Variants in DNAH7 observed in about 807,000 individuals in gnomAD.
The protein encoded by DNAH7 is axonemal beta dynein heavy chain 7.
DNAH7 carries 397 observed loss-of-function variants against 444.6 expected under a neutral mutation model. The observed-to-expected ratio is 0.89, with a 90% CI of 0.82 to 0.97. The LOEUF (loss-of-function observed/expected upper bound fraction) is 0.97, where lower values mean the gene tolerates loss of function less well. DNAH7 is among the 50% of genes least tolerant of loss of function. The pLI, the probability that DNAH7 is intolerant of heterozygous loss-of-function variation, is 0.00. For missense variants in DNAH7, 4,902 were observed against 4,800.8 expected (o/e 1.02, Z -0.62); for synonymous variants, 1,636 against 1,624.4 (o/e 1.01, Z -0.17).
At chr2:196,006,564 A>G (rs1215377777) in intron 10 of DNAH7, among the ~76,000 whole-genome samples, 4 of 93,742 alleles carry the variant, frequency 4.3e-5, no homozygotes, top group Non-Finnish European at 7.0e-5. Context: ...TAAGGAAAGG[A>G]AAAAAAAAAA....
intron 55 of DNAH7, 109 bp from the exon 56 acceptor site, chr2:195,796,846 T>G (rs1463933834): frequency 3.2e-6 from 4 of 1,249,744 alleles, no homozygotes; most frequent in Non-Finnish European, 4.3e-6. Context: ...TTGGGTCACA[T>G]GTCTCAAAAA....
chr2:195,847,228 T>A (rs1007209536), intron 46 of DNAH7, among the ~76,000 whole-genome samples: 1 of 151,304 alleles, frequency 6.6e-6, no homozygotes, highest in Non-Finnish European at 1.5e-5. Context: ...CACATGTGTA[T>A]GTTCATCGCA....
intron 24 of DNAH7, among the ~76,000 whole-genome samples, chr2:195,918,710 C>T (rs1463485721): frequency 1.3e-5 from 2 of 151,960 alleles, no homozygotes; most frequent in Non-Finnish European, 2.9e-5. Flanking sequence ...ATATACATGA[C>T]AAAAATGGTC....
intron 30 of DNAH7, chr2:195,893,092 T>TGCCACCAC (rs1364129898): frequency 3.4e-5 from 5 of 149,142 alleles, no homozygotes; most frequent in African/African-American, 1.2e-4. Context: ...ACATGGCACA[T>TGCCACCAC]GCCACCACGC....
chr2:196,044,225 G>GTGTA (rs1696957171), intron 5 of DNAH7, among the ~76,000 whole-genome samples: 1 of 150,270 alleles, frequency 6.7e-6, no homozygotes, highest in African/African-American at 2.5e-5. Context: ...GTGTGTGTGT[G>GTGTA]TATACATACA....
intron 6 of DNAH7, 133 bp downstream of exon 6, chr2:196,027,827 T>C (rs1695784930): frequency 5.7e-6 from 4 of 698,092 alleles, no homozygotes; most frequent in Middle Eastern, 3.1e-4. Context: ...TGCCTTTTTA[T>C]AGAACTCTGT....
intron 54 of DNAH7, among the ~76,000 whole-genome samples, chr2:195,801,965 G>A (rs1696482563): frequency 6.6e-6 from 1 of 152,148 alleles, no homozygotes; most frequent in Non-Finnish European, 1.5e-5. Context: ...ATTTATAAAT[G>A]CCTGATAGCA....
Position 195,816,795 on chromosome 2 carries a change from G to A in DNAH7, c.9594C>T (p.Thr3198=), listed in dbSNP as rs1438916012. The A allele has an allele frequency of 8.7e-6, 14 of 1,613,898 alleles. No homozygotes were observed. Among genetic ancestry groups the A allele is most frequent in the Non-Finnish European group, 1.2e-5 (14 of 1,179,934 alleles). ...CAATAGGACGATAGCCCATGCGGGT[G>A]GTGTCAATCTTTTTCTCTGTCTCTT... ...VAEETEKKID[T]TRMGYRPIAI... The change falls in exon 51 of 65, where the codon ACC becomes ACT. Residue 3198 remains threonine, a synonymous_variant. Transcript: ENST00000312428.
chr2:196,022,971 G>A (rs1213022719), intron 8 of DNAH7, among the ~76,000 whole-genome samples: 3 of 152,104 alleles, frequency 2.0e-5, no homozygotes, highest in African/African-American at 7.2e-5. Context: ...TGAGGTTTGG[G>A]GAACAGTTGA....
At chr2:196,050,990 C>A (rs1026046588) in intron 3 of DNAH7, among the ~76,000 whole-genome samples, 197 bp downstream of exon 3, 2 of 152,158 alleles carry the variant, frequency 1.3e-5, no homozygotes, top group African/African-American at 4.8e-5. Context: ...CTGAAATATT[C>A]TACATATACA....
At chr2:195,986,104 T>C (rs1310163190) in intron 14 of DNAH7, among the ~76,000 whole-genome samples, 5 of 152,178 alleles carry the variant, frequency 3.3e-5, no homozygotes, top group Non-Finnish European at 7.4e-5. Flanking sequence ...CACATGTCAG[T>C]TCCTCTTTGC....
At chr2:196,050,648 A>T (rs1329207567) in intron 3 of DNAH7, among the ~76,000 whole-genome samples, 1 of 152,200 alleles carries the variant, frequency 6.6e-6, no homozygotes, top group African/African-American at 2.4e-5. Flanking sequence ...TTAAAATCTA[A>T]CTTGTACAGG....
intron 55 of DNAH7, 117 bp downstream of exon 55, chr2:195,799,178 AT>A (rs1188255324): frequency 1.1e-5 from 10 of 885,970 alleles, no homozygotes; most frequent in Admixed American, 6.8e-5. Flanking sequence ...TCAACTTGTG[AT>A]AACTTTCAAA....
In DNAH7 at chr2:195,960,781, T is replaced by G; in HGVS notation, c.2370A>C (p.Lys790Asn). ...CTGCTTCTACTTGGTCTGGATTCAC[T>G]TTATGATATGGCCCTTCTGTCCATG... ...YRAWTEGPYH[K>N]VNPDQVEADI... The change falls in exon 18 of 65, where the codon AAA becomes AAC. Residue 790 changes from lysine (K) to asparagine (N), a missense_variant. By Grantham distance (94) the Lys-to-Asn change is moderately conservative. Transcript: ENST00000312428. The G allele has an allele frequency of 6.2e-7, 1 of 1,614,200 alleles. No individual in the cohort carries two copies. The highest frequency in any genetic ancestry group is 8.5e-7 in the Non-Finnish European group (1 of 1,180,034).
At position 195,844,995 on chromosome 2, in the gene DNAH7, T is replaced by A; in HGVS notation, c.8945+7A>T. On this transcript the variant is annotated splice_region_variant and intron_variant, in intron 47 of 64. Transcript: ENST00000312428. Reference sequence around the variant, plus strand: ...AAGACCATTTGTGAGAAAAATATTTTTCTTACATTATGATTATCCCATTAT... The same window carrying A: ...AAGACCATTTGTGAGAAAAATATTTATCTTACATTATGATTATCCCATTAT... The A allele has an allele frequency of 6.2e-7, 1 of 1,609,306 alleles. No homozygotes were observed. The highest frequency in any genetic ancestry group is 1.7e-4 in the Middle Eastern group (1 of 6,036).
intron 64 of DNAH7, among the ~76,000 whole-genome samples, chr2:195,740,415 A>C (rs192982749): frequency 1.8e-4 from 28 of 152,248 alleles, no homozygotes; most frequent in African/African-American, 6.5e-4. Flanking sequence ...AGGTGTCTTT[A>C]AACAGACACA....
chr2:195,859,121 T>C (rs1275125111), intron 42 of DNAH7, among the ~76,000 whole-genome samples: 1 of 152,216 alleles, frequency 6.6e-6, no homozygotes, highest in Non-Finnish European at 1.5e-5. Flanking sequence ...AAATGAATGA[T>C]GTACCTCTAA....
intron 19 of DNAH7, among the ~76,000 whole-genome samples, chr2:195,954,541 C>A (rs1297668901): frequency 6.6e-6 from 1 of 152,018 alleles, no homozygotes; most frequent in Non-Finnish European, 1.5e-5. Flanking sequence ...GGGTATATAC[C>A]CAGTAATGGG....
chr2:195,793,455 CAA>C (rs1695986201), intron 57 of DNAH7, among the ~76,000 whole-genome samples: 2 of 152,068 alleles, frequency 1.3e-5, no homozygotes, highest in East Asian at 1.9e-4. Flanking sequence ...TAAAATTTTG[CAA>C]AGAGGCTCTG....
Sources: allele counts gnomAD v4.1 joint callset (sites outside exome capture counted in the v4.1 genomes callset), GRCh38; gene constraint gnomAD v4.1.1; transcripts MANE v1.5; gene names NCBI Gene and HGNC (gene_info 2026-07-23, HGNC 2026-07-21).